The following MINK1 variants were observed in gnomAD, a reference collection of about 807,000 sequenced individuals.
MINK1 encodes the protein misshapen like kinase 1.
MINK1 carries 46 observed loss-of-function variants against 178.4 expected under a neutral mutation model. The observed-to-expected ratio is 0.26, with a 90% CI of 0.20 to 0.33. MINK1 has a LOEUF of 0.33. MINK1 is among the 10% of genes least tolerant of loss of function. The pLI, the probability that MINK1 is intolerant of heterozygous loss-of-function variation, is 1.00. For synonymous variants in MINK1, 797 were observed against 709.7 expected, an observed-to-expected ratio of 1.12 and a Z score of -1.96; for missense variants, 1,366 against 1,814.9, an observed-to-expected ratio of 0.75 and a Z score of 4.49.
chr17:4,868,832 C>G (rs1294088537), intron 1 of MINK1: 1 of 343,388 alleles, frequency 2.9e-6, no homozygotes, highest in Admixed American at 3.2e-5. Flanking sequence ...TGCATGCAGC[C>G]TCAACCTCCC....
chr17:4,889,024 T>TA (rs1968507599), intron 12 of MINK1, among the ~76,000 whole-genome samples: 2 of 152,142 alleles, frequency 1.3e-5, no homozygotes, highest in South Asian at 4.1e-4. Flanking sequence ...AACAAGGTGT[T>TA]ACCTGGAGAA....
intron 1 of MINK1, among the ~76,000 whole-genome samples, chr17:4,877,533 C>G (rs187201156): frequency 3.0e-4 from 45 of 152,290 alleles, no homozygotes; most frequent in Non-Finnish European, 5.6e-4. Flanking sequence ...CCTGAAATTC[C>G]TGCTCCCTGC....
intron 31 of MINK1, 89 bp from the exon 32 acceptor site, chr17:4,897,115 T>G: frequency 8.7e-7 from 1 of 1,144,030 alleles, no homozygotes; most frequent in Non-Finnish European, 1.3e-6. Context: ...TCAACTCTTC[T>G]GCCACCCCTT....
At position 4,896,874 on chromosome 17, in the gene MINK1, GGGCAGAGTTCT is replaced by G. The variant is rs776856486; in HGVS notation, c.3915+64_3915+74del. ...CCGGCTGCCATGACCCTAGGCCCCT[GGGCAGAGTTCT>G]GGGGAGAGGATGGTGGTGGTGGCTT... On this transcript the variant is annotated intron_variant, in intron 31 of 31. Coordinates refer to ENST00000355280, the MANE Select transcript of MINK1 (RefSeq NM_153827.5). This position sits in a 1 kb window ranked among gnomAD's most constrained non-coding sequence, Gnocchi z 4.6. 118 of 1,506,948 alleles carry G rather than the reference GGGCAGAGTTCT, an allele frequency of 7.8e-5. No homozygotes were observed. The highest frequency in any genetic ancestry group is 5.6e-4 in the Admixed American group (24 of 42,602). The allele number at this position is 1,506,948 out of a possible 1,614,324, so 93.3% of individuals were successfully genotyped here. A position where few individuals can be genotyped will look rare whatever the true frequency, so the allele number is the denominator to read the frequency against.
chr17:4,837,028 T>A (rs973253945), intron 1 of MINK1, among the ~76,000 whole-genome samples: 1 of 151,026 alleles, frequency 6.6e-6, no homozygotes, highest in Non-Finnish European at 1.5e-5. Flanking sequence ...AAAAAAAAAA[T>A]ACAAAAAAAT....
chr17:4,893,770 G>A (rs945489897), intron 21 of MINK1, 173 bp downstream of exon 21: 3 of 1,095,548 alleles, frequency 2.7e-6, no homozygotes, highest in Non-Finnish European at 3.8e-6. Flanking sequence ...GTGTGTTGTG[G>A]GGTGGCCTCT....
chr17:4,833,778 C>G lies in MINK1; in HGVS notation c.57+138C>G. The G allele has an allele frequency of 1.6e-6, 1 of 631,058 alleles. No individual in the cohort carries two copies. Among genetic ancestry groups the G allele is most frequent in the South Asian group, 2.3e-5 (1 of 43,202 alleles). The allele number at this position is 631,058 out of a possible 1,614,324, so 39.1% of individuals were successfully genotyped here. ...CCCCTTGGCGACCCGTGCCCCTTTC[C>G]CGGACTCCCGCCGCGGCTGGGCCCC... is the stretch of plus-strand genomic sequence containing the variant. On this transcript the variant is annotated intron_variant, in intron 1 of 31. Coordinates refer to ENST00000355280, the MANE Select transcript of MINK1 (RefSeq NM_153827.5). This position sits in a 1 kb window ranked among gnomAD's most constrained non-coding sequence, Gnocchi z 4.8.
At chr17:4,893,318 G>A in intron 20 of MINK1, 116 bp from the exon 21 acceptor site, 1 of 1,613,842 alleles carries the variant, frequency 6.2e-7, no homozygotes, top group Non-Finnish European at 8.5e-7. Context: ...AGGTTAGTGA[G>A]ATGGGCCTGC....
intron 1 of MINK1, chr17:4,875,131 C>T (rs1344159741): frequency 1.9e-6 from 1 of 519,996 alleles, no homozygotes; most frequent in Non-Finnish European, 3.8e-6. Context: ...ATGAGTTCTT[C>T]TGTTGGGGAG....
At chr17:4,860,701 A>G in intron 1 of MINK1, 3 of 519,874 alleles carry the variant, frequency 5.8e-6, no homozygotes, top group South Asian at 2.8e-5. Flanking sequence ...GAGCAGAGCA[A>G]AGAAGCAAGG....
Position 4,887,184 on chromosome 17 carries a change from G to C in MINK1, c.1019+5G>C. ...TGGAGAGGAAGGAGAGCCAAGGTAG[G>C]CCTGGCAGGTGGAGTGGGGGTTGGG... is the stretch of plus-strand genomic sequence containing the variant. On this transcript the variant is annotated splice_donor_5th_base_variant and intron_variant, in intron 11 of 31. Transcript: ENST00000355280. The surrounding 1 kb of genome is among the most constrained non-coding windows in gnomAD (Gnocchi z 7.6). 2.5e-6 allele frequency: 4 copies of C among 1,598,804 alleles called. No homozygotes were observed. The highest frequency in any genetic ancestry group is 2.6e-6 in the Non-Finnish European group (3 of 1,173,072).
At chr17:4,875,918 C>T (rs557382276) in intron 1 of MINK1, among the ~76,000 whole-genome samples, 2 of 151,470 alleles carry the variant, frequency 1.3e-5, no homozygotes, top group Non-Finnish European at 2.9e-5. Flanking sequence ...GCCTCAGCCT[C>T]CCGAGTAGCT....
chr17:4,897,293 C>A lies in MINK1; in HGVS notation c.*6C>A, dbSNP rs748815511. The stretch of plus-strand genomic sequence containing the variant: ...ACTGCATCATGAACTGGTGACGGGG[C>A]CCTGGGCTGGGGCTGTCCCACACTG... On this transcript the variant is annotated 3_prime_UTR_variant, in exon 32 of 32. Transcript: ENST00000355280. The A allele has an allele frequency of 2.5e-6, 4 of 1,613,152 alleles. No homozygotes were observed. The highest frequency in any genetic ancestry group is 1.3e-5 in the African/African-American group (1 of 74,910).
At position 4,896,953 on chromosome 17, in the gene MINK1, A is replaced by G; in HGVS notation, c.3915+140A>G. ...CTGGGAGCTCAGAGGGCAGTCAGCC[A>G]CTACCACTGCCCTGCGCTCCCTTCA... On this transcript the variant is annotated intron_variant, in intron 31 of 31. Transcript: ENST00000355280. The surrounding 1 kb of genome is among the most constrained non-coding windows in gnomAD (Gnocchi z 4.6). 1 of 1,174,862 alleles carries G rather than the reference A, an allele frequency of 8.5e-7. No individual in the cohort carries two copies. The allele number at this position is 1,174,862 out of a possible 1,614,324, so 72.8% of individuals were successfully genotyped here. A position where few individuals can be genotyped will look rare whatever the true frequency, so the allele number is the denominator to read the frequency against.
rs375578873 is a variant in MINK1, at chr17:4,833,589, C to T, written c.6C>T (p.Gly2=). 4.9e-4 allele frequency: 732 copies of T among 1,499,444 alleles called. 2 individuals carry two copies. In the African/African-American group the frequency reaches 9.0e-3, roughly 18 times the overall value. The allele number at this position is 1,499,444 out of a possible 1,614,324, so 92.9% of individuals were successfully genotyped here. The change falls in exon 1 of 32, where the codon GGC becomes GGT. Residue 2 remains glycine, a synonymous_variant. Transcript: ENST00000355280. This position sits in a 1 kb window ranked among gnomAD's most constrained non-coding sequence, Gnocchi z 4.8. ...CCCCGTTCCCCACGGAGGCCATGGGCGACCCAGCCCCCGCCCGCAGCCTGG... is the reference window on the plus strand; with the variant it reads ...CCCCGTTCCCCACGGAGGCCATGGGTGACCCAGCCCCCGCCCGCAGCCTGG... M[G]DPAPARSLDD...
chr17:4,882,512 A>G (rs1044251101), intron 4 of MINK1, among the ~76,000 whole-genome samples: 3 of 152,192 alleles, frequency 2.0e-5, no homozygotes, highest in African/African-American at 4.8e-5. Context: ...GGTAGACCCT[A>G]TGCAATCTTT....
chr17:4,837,940 C>G (rs1909557673), intron 1 of MINK1, among the ~76,000 whole-genome samples: 2 of 151,948 alleles, frequency 1.3e-5, no homozygotes, highest in South Asian at 4.1e-4. Flanking sequence ...CCTTCCTCCT[C>G]TCTTCATGCG....
At chr17:4,839,318 C>G (rs1272590900) in intron 1 of MINK1, among the ~76,000 whole-genome samples, 1 of 152,120 alleles carries the variant, frequency 6.6e-6, no homozygotes, top group East Asian at 1.9e-4. Context: ...TTTGTTAAAC[C>G]TGATTTCCAT....
At chr17:4,856,943 G>GGT (rs1913251391) in intron 1 of MINK1, 2 of 167,104 alleles carry the variant, frequency 1.2e-5, no homozygotes, top group Admixed American at 6.3e-5. Flanking sequence ...TGGGTTTTGA[G>GGT]AGGGGCTGCT....
Sources: allele counts gnomAD v4.1 joint callset (sites outside exome capture counted in the v4.1 genomes callset), GRCh38; gene constraint gnomAD v4.1.1; non-coding constraint Gnocchi (gnomAD v3.1); transcripts MANE v1.5; gene names NCBI Gene and HGNC (gene_info 2026-07-23, HGNC 2026-07-21).